RPH3A: variants seen among roughly 807,000 people sequenced by gnomAD.
RPH3A encodes rabphilin-3A.
In RPH3A, 48 loss-of-function variants were observed where a neutral mutation model predicts 102.2. That is an observed-to-expected ratio of 0.47 (90% CI 0.37 to 0.60). RPH3A has a LOEUF of 0.60. Ranked by LOEUF, RPH3A falls within the 20% of genes least tolerant of loss-of-function variation. RPH3A has a pLI of 0.00. For missense variants in RPH3A, 781 were observed against 910.1 expected, an observed-to-expected ratio of 0.86 and a Z score of 1.83; for synonymous variants, 310 against 324.3, an observed-to-expected ratio of 0.96 and a Z score of 0.47.
At chr12:112,843,287 C>G (rs958980229) in intron 4 of RPH3A, among the ~76,000 whole-genome samples, 1 of 152,190 alleles carries the variant, frequency 6.6e-6, no homozygotes, top group Non-Finnish European at 1.5e-5. Context: ...TGTCTGTTTG[C>G]TTCTGGAATT....
At chr12:112,831,313 G>T (rs1165462866) in intron 3 of RPH3A, among the ~76,000 whole-genome samples, 2 of 151,366 alleles carry the variant, frequency 1.3e-5, no homozygotes, top group South Asian at 4.2e-4. Flanking sequence ...CTCCTTATTG[G>T]TTTCAGTCAT....
chr12:112,852,648 G>T (rs2042341756), intron 5 of RPH3A, among the ~76,000 whole-genome samples: 1 of 152,164 alleles, frequency 6.6e-6, no homozygotes, highest in Non-Finnish European at 1.5e-5. Context: ...CATCCTATCA[G>T]CAGTGGCCAG....
chr12:112,891,743 C>A (rs2043098648), intron 19 of RPH3A, among the ~76,000 whole-genome samples: 1 of 152,210 alleles, frequency 6.6e-6, no homozygotes. Flanking sequence ...AGTGGGCCGA[C>A]CTTAGCATCC....
At chr12:112,761,223 A>G (rs766753424) in intron 1 of RPH3A, among the ~76,000 whole-genome samples, 7 of 152,330 alleles carry the variant, frequency 4.6e-5, no homozygotes, top group Non-Finnish European at 7.3e-5. Flanking sequence ...TGGGTGCTCA[A>G]GAAGGCTTAT....
chr12:112,580,282 AC>A (rs1158102464), intron 1 of RPH3A, among the ~76,000 whole-genome samples: 1 of 142,082 alleles, frequency 7.0e-6, no homozygotes, highest in Non-Finnish European at 1.5e-5. Context: ...ATATCTCCCC[AC>A]CCCCTGTCTT....
intron 1 of RPH3A, among the ~76,000 whole-genome samples, chr12:112,620,046 C>T (rs183927880): frequency 1.3e-5 from 2 of 152,346 alleles, no homozygotes; most frequent in East Asian, 3.9e-4. Flanking sequence ...CTTTCTTCAC[C>T]TCCAGACTTT....
At chr12:112,739,087 G>A (rs1193247399) in intron 1 of RPH3A, among the ~76,000 whole-genome samples, 1 of 152,126 alleles carries the variant, frequency 6.6e-6, no homozygotes, top group Non-Finnish European at 1.5e-5. Flanking sequence ...AAAGCCAAGA[G>A]GTCTCTGAGA....
At chr12:112,894,534 T>C (rs1342866926) in intron 19 of RPH3A, 44 bp from the exon 20 acceptor site, 1 of 1,578,312 alleles carries the variant, frequency 6.3e-7, no homozygotes, top group Non-Finnish European at 8.7e-7. Flanking sequence ...GCTGTTCTTA[T>C]TCATTAAACG....
At chr12:112,576,713 G>C (rs1384727076) in intron 1 of RPH3A, among the ~76,000 whole-genome samples, 2 of 152,144 alleles carry the variant, frequency 1.3e-5, no homozygotes, top group Non-Finnish European at 2.9e-5. Context: ...ATTTGGTGGA[G>C]AGAAGAATTT....
intron 1 of RPH3A, among the ~76,000 whole-genome samples, chr12:112,648,601 T>C (rs1592924863): frequency 1.0e-4 from 2 of 19,516 alleles, no homozygotes; most frequent in South Asian, 2.6e-3. Flanking sequence ...AAAAAAAAGC[T>C]AGGTGTTGTG....
chr12:112,868,945 C>T, intron 8 of RPH3A: 1 of 206,668 alleles, frequency 4.8e-6, no homozygotes, highest in Non-Finnish European at 9.6e-6. Flanking sequence ...CTGAGAAGGC[C>T]TTCCTGGACC....
chr12:112,735,605 G>T (rs1352944846), intron 1 of RPH3A, among the ~76,000 whole-genome samples: 4 of 152,178 alleles, frequency 2.6e-5, no homozygotes, highest in African/African-American at 9.7e-5. Context: ...TTGAATCTGT[G>T]CCTGGCAGAG....
At chr12:112,582,945 G>A (rs2039410715) in intron 1 of RPH3A, among the ~76,000 whole-genome samples, 1 of 152,040 alleles carries the variant, frequency 6.6e-6, no homozygotes, top group African/African-American at 2.4e-5. Flanking sequence ...TCTTTCAATG[G>A]TTCTATTTGT....
At chr12:112,695,652 C>T (rs1471700879) in intron 1 of RPH3A, among the ~76,000 whole-genome samples, 1 of 152,212 alleles carries the variant, frequency 6.6e-6, no homozygotes, top group Non-Finnish European at 1.5e-5. Flanking sequence ...GTAGGGGTAT[C>T]CCCATTATAT....
At chr12:112,678,303 A>AAGAAAGAGAGAGAGAGAGAG (rs1555283199) in intron 1 of RPH3A, among the ~76,000 whole-genome samples, 13 of 50,172 alleles carry the variant, frequency 2.6e-4, no homozygotes, top group Admixed American at 9.9e-4. Flanking sequence ...GAAAGAAAGA[A>AAGAAAGAGAGAGAGAGAGAG]AGAGAGAGAG....
At chr12:112,810,450 G>A (rs1476785799) in intron 2 of RPH3A, among the ~76,000 whole-genome samples, 13 of 152,296 alleles carry the variant, frequency 8.5e-5, no homozygotes, top group South Asian at 2.1e-4. Context: ...GCCCTGGTTC[G>A]TTATCTGATC....
chr12:112,802,892 G>A (rs573845183), intron 2 of RPH3A, among the ~76,000 whole-genome samples: 8 of 152,248 alleles, frequency 5.3e-5, no homozygotes, highest in African/African-American at 1.2e-4. Context: ...TAACACCGAC[G>A]TTGCCTCTGA....
chr12:112,662,644 G>A (rs1236037176), intron 1 of RPH3A, among the ~76,000 whole-genome samples: 1 of 152,096 alleles, frequency 6.6e-6, no homozygotes, highest in African/African-American at 2.4e-5. Context: ...AATGCTATAT[G>A]GTTTCTCTCT....
chr12:112,847,951 T>TC, intron 5 of RPH3A, 109 bp downstream of exon 5: 1 of 1,286,694 alleles, frequency 7.8e-7, no homozygotes, highest in Non-Finnish European at 1.1e-6. Flanking sequence ...GCCTCTGGGC[T>TC]TTGCCATTTG....
Sources: gnomAD v4.1 joint callset for allele counts (sites outside exome capture counted in the v4.1 genomes callset) on GRCh38, gnomAD v4.1.1 for gene constraint, MANE v1.5 for transcripts, NCBI Gene and HGNC (gene_info 2026-07-23, HGNC 2026-07-21) for gene names.